The following RBM41 variants were observed in gnomAD, a reference collection of about 807,000 sequenced individuals.
RBM41 encodes the protein RNA-binding protein 41.
In RBM41, 14 loss-of-function variants were observed where a neutral mutation model predicts 30.8. That is an observed-to-expected ratio of 0.45 (90% CI 0.30 to 0.71). RBM41 has a LOEUF of 0.71. RBM41 is among the 30% of genes least tolerant of loss of function. RBM41 has a pLI of 0.08. For synonymous variants in RBM41, 120 were observed against 110.1 expected (o/e 1.09, Z -0.56); for missense variants, 276 against 326.3 (o/e 0.85, Z 1.19).
At chrX:107,060,370 A>T (rs1013571810), downstream of RBM41, among the ~76,000 whole-genome samples, 4 of 110,161 alleles carry the variant, frequency 3.6e-5, no homozygotes, top group African/African-American at 1.3e-4. Flanking sequence ...TCTCTAGGAG[A>T]TGATTAAGTC....
intron 6 of RBM41, among the ~76,000 whole-genome samples, chrX:107,086,565 T>C (rs1922056444): frequency 1.8e-5 from 2 of 111,715 alleles, no homozygotes; most frequent in Non-Finnish European, 3.8e-5. Flanking sequence ...TTATGTCACA[T>C]ATACACAAAC....
At chrX:107,112,504 C>A (rs1019607055) in intron 5 of RBM41, among the ~76,000 whole-genome samples, 8 of 111,233 alleles carry the variant, frequency 7.2e-5, no homozygotes, top group Non-Finnish European at 1.3e-4. Flanking sequence ...GTACACTTAC[C>A]ATATGACCCA....
chrX:107,086,408 A>G (rs1043337812), intron 6 of RBM41, among the ~76,000 whole-genome samples: 2 of 110,408 alleles, frequency 1.8e-5, no homozygotes, highest in African/African-American at 6.6e-5. Context: ...CTGGGGGTGG[A>G]GTCTAGCAAT....
At chrX:107,102,897 C>T (rs1252007650) in intron 5 of RBM41, among the ~76,000 whole-genome samples, 2 of 111,542 alleles carry the variant, frequency 1.8e-5, no homozygotes, top group African/African-American at 6.5e-5. Flanking sequence ...GTAATGTCTA[C>T]CTTATGCCTG....
At chrX:107,104,073 C>T (rs1175157681) in intron 5 of RBM41, among the ~76,000 whole-genome samples, 2 of 109,934 alleles carry the variant, frequency 1.8e-5, no homozygotes, top group African/African-American at 3.3e-5. Context: ...CTGTTTTCCC[C>T]GCTCCCCTCC....
chrX:107,116,729 C>T lies in RBM41; in HGVS notation c.46G>A (p.Glu16Lys). 1 of 1,210,915 alleles carries T rather than the reference C, an allele frequency of 8.3e-7. No individual in the cohort carries two copies. ...CTCTCCCCTTCTGTTTCCAGCTCCT[C>T]CAGGACATGCTCATCACTCTTCACA... ...SCVKSDEHVL[E>K]ELETEGERQL... is the part of the protein sequence containing the mutation. The change falls in exon 2 of 8, where the codon GAG becomes AAG. Residue 16 changes from glutamate (E) to lysine (K), a missense_variant. Glu to Lys is a moderately conservative substitution (Grantham distance 56). Transcript: ENST00000685964.
intron 6 of RBM41, among the ~76,000 whole-genome samples, chrX:107,071,182 G>A (rs1356193627): frequency 9.7e-6 from 1 of 103,607 alleles, no homozygotes; most frequent in African/African-American, 3.6e-5. Flanking sequence ...GAGAAAAATG[G>A]GAAAGATATC....
the RBM41 span, among the ~76,000 whole-genome samples, chrX:107,056,398 T>C: frequency 1.8e-5 from 2 of 112,162 alleles, no homozygotes; most frequent in Non-Finnish European, 3.8e-5. Context: ...AATACTAGCC[T>C]CATAGAATGT....
At chrX:107,053,008 G>A in the RBM41 span, among the ~76,000 whole-genome samples, 2 of 112,261 alleles carry the variant, frequency 1.8e-5, no homozygotes, top group South Asian at 7.5e-4. Flanking sequence ...GACTACTGCT[G>A]CTAGGGAGTT....
intron 6 of RBM41, among the ~76,000 whole-genome samples, chrX:107,087,891 C>T (rs1432115304): frequency 8.9e-6 from 1 of 112,562 alleles, no homozygotes; most frequent in East Asian, 2.8e-4. Flanking sequence ...CATGAGCCAC[C>T]ACACCTGGCC....
At chrX:107,089,541 T>A (rs1157699506) in intron 5 of RBM41, among the ~76,000 whole-genome samples, 2 of 112,111 alleles carry the variant, frequency 1.8e-5, no homozygotes, top group Non-Finnish European at 3.8e-5. Context: ...AAATTTAAAG[T>A]GTTCGACAGT....
intron 6 of RBM41, chrX:107,070,447 T>C (rs769763615): frequency 2.1e-5 from 6 of 290,898 alleles, no homozygotes; most frequent in Non-Finnish European, 2.6e-5. Flanking sequence ...GATATAAAAA[T>C]ACTGACTTGG....
At chrX:107,087,865 G>C (rs771612680) in intron 6 of RBM41, among the ~76,000 whole-genome samples, 1 of 112,443 alleles carries the variant, frequency 8.9e-6, no homozygotes, top group Non-Finnish European at 1.9e-5. Flanking sequence ...GCCTCCCAAA[G>C]TGCTTGGATT....
chrX:107,071,125 T>C (rs1289957664), intron 6 of RBM41, among the ~76,000 whole-genome samples: 36 of 107,678 alleles, frequency 3.3e-4, no homozygotes, highest in Admixed American at 3.1e-3. Flanking sequence ...TGTTATCAGC[T>C]TAAAACAGAT....
intron 6 of RBM41, among the ~76,000 whole-genome samples, chrX:107,080,388 G>A (rs1450159688): frequency 9.0e-6 from 1 of 111,174 alleles, no homozygotes; most frequent in Non-Finnish European, 1.9e-5. Context: ...AGACCAGCCT[G>A]GCCAATATGG....
chrX:107,116,738 G>T lies in RBM41; in HGVS notation c.37C>A (p.His13Asn), dbSNP rs775010046. ...TCTGTTTCCAGCTCCTCCAGGACATGCTCATCACTCTTCACACAGCTGTTT... is the reference window on the plus strand; with the variant it reads ...TCTGTTTCCAGCTCCTCCAGGACATTCTCATCACTCTTCACACAGCTGTTT... Reference protein sequence around the residue: ...RVNSCVKSDEHVLEELETEGE... With the variant: ...RVNSCVKSDENVLEELETEGE... Residue 13 changes from histidine to asparagine, a missense_variant, in exon 2 of 8, where the codon CAT (histidine) becomes AAT (asparagine). By Grantham distance (68) the His-to-Asn change is moderately conservative (BLOSUM62 1). Transcript: ENST00000685964. 4.1e-6 allele frequency: 5 copies of T among 1,208,977 alleles called. No individual in the cohort carries two copies. The highest frequency in any genetic ancestry group is 5.6e-6 in the Non-Finnish European group (5 of 895,001).
At chrX:107,097,563 G>A (rs1372825587) in intron 5 of RBM41, among the ~76,000 whole-genome samples, 1 of 111,414 alleles carries the variant, frequency 9.0e-6, no homozygotes, top group Non-Finnish European at 1.9e-5. Context: ...TGTGAAGAAG[G>A]TGTCTGCTTC....
At chrX:107,108,781 A>T (rs1292621492) in intron 5 of RBM41, among the ~76,000 whole-genome samples, 1 of 111,095 alleles carries the variant, frequency 9.0e-6, no homozygotes, top group Non-Finnish European at 1.9e-5. Flanking sequence ...GCAACAACAG[A>T]AGCTGCAAAA....
chrX:107,069,964 G>A (rs1271233321), intron 6 of RBM41: 1 of 146,463 alleles, frequency 6.8e-6, no homozygotes, highest in Non-Finnish European at 1.3e-5. Flanking sequence ...ATAATTGGAT[G>A]AGCAGGAACC....
Sources: gnomAD v4.1 joint callset for allele counts (sites outside exome capture counted in the v4.1 genomes callset) on GRCh38, gnomAD v4.1.1 for gene constraint, MANE v1.5 for transcripts, NCBI Gene and HGNC (gene_info 2026-07-23, HGNC 2026-07-21) for gene names.